RANGAP1: variants seen among roughly 807,000 people sequenced by gnomAD.
RANGAP1 encodes Ran GTPase activating protein 1, also known as ran GTPase-activating protein 1.
In RANGAP1, 38 loss-of-function variants were observed where a neutral mutation model predicts 63.5. That is an observed-to-expected ratio of 0.60 (90% CI 0.46 to 0.78). The LOEUF is 0.78. Among genes scored for constraint, RANGAP1 ranks in the 30% least tolerant of loss-of-function variants. The probability of loss-of-function intolerance (pLI) is 0.00; values close to 1 mark genes in which losing one functional copy is unlikely to be tolerated. For missense variants in RANGAP1, 630 were observed against 740.3 expected (o/e 0.85, Z 1.73); for synonymous variants, 329 against 310.5 (o/e 1.06, Z -0.63).
rs1162267799 is a variant in RANGAP1, at chr22:41,254,346, C to A, written c.1222G>T (p.Ala408Ser). 2 of 1,614,024 alleles carry A rather than the reference C, an allele frequency of 1.2e-6. No individual in the cohort carries two copies. Among genetic ancestry groups the A allele is most frequent in the Admixed American group, 1.7e-5 (1 of 60,004 alleles). ...TCCAGAATCTTCCGTGAGGGCGTGG[C>A]TGACTTCTCTCCCTGCCCTCGCTGC... ...PQQRGQGEKS[A>S]TPSRKILDPN... Residue 408 changes from alanine to serine, a missense_variant, in exon 11 of 16, where the codon GCC becomes TCC. Ala to Ser is a moderately conservative substitution (Grantham distance 99, BLOSUM62 1). Around this residue, in one of 3 missense-constraint regions of RANGAP1, gnomAD observed 428 missense variants for 465.5 expected, o/e 0.92. Coordinates refer to ENST00000356244, the MANE Select transcript of RANGAP1 (RefSeq NM_002883.4).
At chr22:41,301,304 A>T in the RANGAP1 span, among the ~76,000 whole-genome samples, 3 of 152,048 alleles carry the variant, frequency 2.0e-5, no homozygotes, top group Non-Finnish European at 4.4e-5. Context: ...CAGCCCAGAA[A>T]TGCAGAACTG....
chr22:41,278,254 G>A (rs2035275108), intron 2 of RANGAP1, among the ~76,000 whole-genome samples: 1 of 152,076 alleles, frequency 6.6e-6, no homozygotes, highest in South Asian at 2.1e-4. Flanking sequence ...GGCCAGGCTG[G>A]TCTGGAATTC....
rs979706879 is a variant in RANGAP1, at chr22:41,281,480, T to C, written c.-38-398A>G. The C allele has an allele frequency of 6.0e-6, 6 of 994,710 alleles. No individual in the cohort carries two copies. In the Admixed American group the frequency reaches 1.6e-4, roughly 27 times the overall value. The allele number at this position is 994,710 out of a possible 1,614,324, so 61.6% of individuals were successfully genotyped here. ...ACCTGCTTGAGCATCTTGGCTGTTC[T>C]CTGTTTGAGGGTCCCATTCCTCAAA... On this transcript the variant is annotated intron_variant, in intron 1 of 15. Coordinates refer to ENST00000356244, the MANE Select transcript of RANGAP1 (RefSeq NM_002883.4).
intron 4 of RANGAP1, 32 bp downstream of exon 4, chr22:41,268,065 G>A (rs936259727): frequency 8.7e-6 from 13 of 1,499,388 alleles, no homozygotes; most frequent in Middle Eastern, 1.7e-4. Context: ...AGGGCCTTGC[G>A]CGTGGAGGGG....
At chr22:41,269,980 C>T (rs1351386281) in intron 3 of RANGAP1, among the ~76,000 whole-genome samples, 3 of 151,882 alleles carry the variant, frequency 2.0e-5, no homozygotes, top group Non-Finnish European at 4.4e-5. Context: ...ATTACAGGTG[C>T]CCGCTACCAC....
intron 4 of RANGAP1, among the ~76,000 whole-genome samples, chr22:41,266,117 G>A (rs1008070654): frequency 2.6e-5 from 4 of 151,806 alleles, no homozygotes; most frequent in African/African-American, 9.7e-5. Flanking sequence ...CAGGAGAATG[G>A]CATGAACCCG....
rs1354588531 is a variant in RANGAP1, at chr22:41,256,700, C to G, written c.888+11G>C. Reference sequence around the variant, plus strand: ...CCCCAGAGGGAGGACGTCAGGCGTCCAGGCTGGCACCTTTAGCTTGGGCAG... The same window carrying G: ...CCCCAGAGGGAGGACGTCAGGCGTCGAGGCTGGCACCTTTAGCTTGGGCAG... On this transcript the variant is annotated intron_variant, in intron 8 of 15. Transcript: ENST00000356244. The G allele has an allele frequency of 6.2e-7, 1 of 1,612,046 alleles. No individual in the cohort carries two copies. The highest frequency in any genetic ancestry group is 8.5e-7 in the Non-Finnish European group (1 of 1,178,910).
intron 5 of RANGAP1, among the ~76,000 whole-genome samples, chr22:41,264,081 A>G (rs1277099186): frequency 6.6e-6 from 1 of 152,210 alleles, no homozygotes; most frequent in Non-Finnish European, 1.5e-5. Flanking sequence ...GCAGCCTGGC[A>G]CTCAGTGTCC....
chr22:41,280,491 C>T (rs1340960396), intron 2 of RANGAP1, among the ~76,000 whole-genome samples: 1 of 152,256 alleles, frequency 6.6e-6, no homozygotes, highest in Non-Finnish European at 1.5e-5. Flanking sequence ...GAACCAGCAT[C>T]TCCCAAGAGG....
At chr22:41,282,667 C>T (rs535114305) in intron 1 of RANGAP1, among the ~76,000 whole-genome samples, 27 of 152,260 alleles carry the variant, frequency 1.8e-4, no homozygotes, top group Admixed American at 2.6e-4. Context: ...AGAACTCCTG[C>T]GCCTGCTCAT....
In RANGAP1 at chr22:41,281,606, C is replaced by T. The variant is rs994487421; in HGVS notation, c.-38-524G>A. 7.1e-6 allele frequency: 7 copies of T among 987,154 alleles called. No individual in the cohort carries two copies. In the African/African-American group the frequency reaches 1.0e-4, roughly 15 times the overall value. The allele number at this position is 987,154 out of a possible 1,614,324, so 61.1% of individuals were successfully genotyped here. On this transcript the variant is annotated intron_variant, in intron 1 of 15. Transcript: ENST00000356244. ...GGGTGGGGCACAGGGGTCAGCCCCA[C>T]TGCACGTCTGGTTTCAACCGTGGCC...
chr22:41,291,723 C>T, the RANGAP1 span, among the ~76,000 whole-genome samples: 1 of 151,442 alleles, frequency 6.6e-6, no homozygotes, highest in Non-Finnish European at 1.5e-5. Flanking sequence ...ACGGTGAAAC[C>T]CCGTCTCTAC....
intron 12 of RANGAP1, 70 bp downstream of exon 12, chr22:41,252,802 T>C: frequency 6.9e-7 from 1 of 1,446,902 alleles, no homozygotes; most frequent in Non-Finnish European, 9.1e-7. Flanking sequence ...TCTGAGCTGT[T>C]CGTCCCTTTT....
At chr22:41,261,009 G>A (rs1040812574) in intron 6 of RANGAP1, among the ~76,000 whole-genome samples, 12 of 152,144 alleles carry the variant, frequency 7.9e-5, no homozygotes, top group Admixed American at 5.9e-4. Flanking sequence ...CTGAGAGCAC[G>A]TCATTTGGCA....
chr22:41,278,903 C>A (rs1391035491), intron 2 of RANGAP1, among the ~76,000 whole-genome samples: 1 of 151,400 alleles, frequency 6.6e-6, no homozygotes, highest in African/African-American at 2.4e-5. Flanking sequence ...CTTTGGGAGG[C>A]CGAGGTGAGA....
chr22:41,251,144 A>C (rs1279482979), intron 12 of RANGAP1, 35 bp from the exon 13 acceptor site: 1 of 1,573,328 alleles, frequency 6.4e-7, no homozygotes, highest in Non-Finnish European at 8.7e-7. Flanking sequence ...GGCCTGTGGC[A>C]CGTGGTGGAG....
At chr22:41,265,753 G>A (rs1369521308) in intron 4 of RANGAP1, among the ~76,000 whole-genome samples, 2 of 152,204 alleles carry the variant, frequency 1.3e-5, no homozygotes, top group African/African-American at 2.4e-5. Flanking sequence ...CAGAAATGGG[G>A]CTGAGCAGGT....
chr22:41,274,456 G>C, intron 3 of RANGAP1, 144 bp downstream of exon 3: 1 of 1,241,986 alleles, frequency 8.1e-7, no homozygotes, highest in Non-Finnish European at 1.1e-6. Context: ...TGTGTGCCCT[G>C]GGGAGGCCAG....
At chr22:41,251,227 C>G in intron 12 of RANGAP1, 118 bp from the exon 13 acceptor site, 1 of 689,696 alleles carries the variant, frequency 1.4e-6, no homozygotes, top group East Asian at 2.7e-5. Context: ...AAGAACAGGT[C>G]CTGCCTTACC....
Sources: allele counts gnomAD v4.1 joint callset (sites outside exome capture counted in the v4.1 genomes callset), GRCh38; gene constraint gnomAD v4.1.1; regional missense constraint gnomAD v4.1.1; transcripts MANE v1.5; gene names NCBI Gene and HGNC (gene_info 2026-07-23, HGNC 2026-07-21).